Variants in POTEM observed in about 807,000 individuals in gnomAD.
The protein encoded by POTEM is POTE ankyrin domain family member M.
For missense variants in POTEM, 24 were observed against 343.0 expected, an observed-to-expected ratio of 0.07 and a Z score of 7.35; for synonymous variants, 8 against 113.2, an observed-to-expected ratio of 0.07 and a Z score of 5.90.
intron 9 of POTEM, among the ~76,000 whole-genome samples, chr14:18,995,124 A>T: frequency 1.4e-5 from 1 of 70,764 alleles, no homozygotes. Flanking sequence ...CCCATTGTGT[A>T]GGTTGTTGGT....
In POTEM at chr14:18,967,713, C is replaced by A. The variant is rs770238529; in HGVS notation, c.228C>A (p.Gly76=). ...GCTTCCCCTGGTGCAGGGGGAGCGGCAAGAGCAACGTGGGCACTTCTGGAG... is the reference window on the plus strand; with the variant it reads ...GCTTCCCCTGGTGCAGGGGGAGCGGAAAGAGCAACGTGGGCACTTCTGGAG... ...RHCFPWCRGS[G]KSNVGTSGDH... The change falls in exon 1 of 11, where the codon GGC becomes GGA. Residue 76 remains glycine, a synonymous_variant. Transcript: ENST00000547889. 23 of 1,610,570 alleles carry A rather than the reference C, an allele frequency of 1.4e-5. No individual in the cohort carries two copies. In the Admixed American group the frequency reaches 3.9e-4, roughly 27 times the overall value.
chr14:18,980,389 C>CA (rs1891052318), intron 6 of POTEM: 1 of 201,682 alleles, frequency 5.0e-6, no homozygotes, highest in South Asian at 5.1e-5. Context: ...TATTTTTCTG[C>CA]AACTAGATGG....
At chr14:18,985,927 A>AT (rs1323533388) in intron 7 of POTEM, among the ~76,000 whole-genome samples, 1 of 83,798 alleles carries the variant, frequency 1.2e-5, no homozygotes, top group Non-Finnish European at 2.2e-5. Flanking sequence ...AAAAAAAAAA[A>AT]AATATTTTAA....
intron 1 of POTEM, among the ~76,000 whole-genome samples, chr14:18,969,374 TATATAC>T (rs1254691074): frequency 1.3e-4 from 17 of 131,482 alleles, no homozygotes; most frequent in East Asian, 4.1e-4. Flanking sequence ...TATATATATA[TATATAC>T]ACAAAATTTC....
At chr14:18,982,792 A>T (rs1378895776) in intron 6 of POTEM, among the ~76,000 whole-genome samples, 14 of 36,538 alleles carry the variant, frequency 3.8e-4, no homozygotes, top group Admixed American at 6.7e-4. Flanking sequence ...TCATTTGTTT[A>T]GCTTAATTTT....
intron 1 of POTEM, among the ~76,000 whole-genome samples, chr14:18,968,916 G>C (rs1171384930): frequency 3.4e-5 from 5 of 148,332 alleles, no homozygotes; most frequent in African/African-American, 1.2e-4. Flanking sequence ...TACACATGCT[G>C]TCTTTTATTA....
intron 9 of POTEM, among the ~76,000 whole-genome samples, chr14:18,996,325 A>G (rs1201776230): frequency 0.014 from 1,713 of 126,126 alleles, 1 homozygote; most frequent in African/African-American, 0.039. Context: ...TTTATAAAAT[A>G]CATAGGAATC....
intron 1 of POTEM, among the ~76,000 whole-genome samples, chr14:18,968,840 T>G (rs919802726): frequency 1.3e-4 from 16 of 121,580 alleles, no homozygotes; most frequent in Middle Eastern, 4.7e-3. Context: ...AAAAAAAAAG[T>G]GAGCTTTTTC....
At chr14:18,981,613 G>A (rs1186415717) in intron 6 of POTEM, among the ~76,000 whole-genome samples, 2 of 151,512 alleles carry the variant, frequency 1.3e-5, no homozygotes, top group East Asian at 1.9e-4. Context: ...TTTGGCAGAA[G>A]GAACATGCAA....
At chr14:18,975,590 TG>T (rs1890945860) in intron 3 of POTEM, among the ~76,000 whole-genome samples, 1 of 130,998 alleles carries the variant, frequency 7.6e-6, no homozygotes, top group African/African-American at 3.1e-5. Flanking sequence ...TAGCAATTTT[TG>T]TTGCATGTTG....
chr14:18,986,541 CATT>C (rs1891186822), intron 7 of POTEM, among the ~76,000 whole-genome samples: 2 of 137,774 alleles, frequency 1.5e-5, no homozygotes, highest in African/African-American at 2.9e-5. Context: ...TATCTACTGT[CATT>C]AGTACATATT....
At position 18,988,257 on chromosome 14, in the gene POTEM, TGAA is replaced by T; in HGVS notation, c.1252_1254del (p.Glu418del). 2 of 590,642 alleles carry T rather than the reference TGAA, an allele frequency of 3.4e-6. No individual in the cohort carries two copies. Among genetic ancestry groups the T allele is most frequent in the Non-Finnish European group, 5.2e-6 (2 of 384,326 alleles). The allele number at this position is 590,642 out of a possible 1,614,324, so 36.6% of individuals were successfully genotyped here. A position where few individuals can be genotyped will look rare whatever the true frequency, so the allele number is the denominator to read the frequency against. ...TTAATATCAAACTTTCATTCAAGGT[TGAA>T]GAAGAAATGAAGAAGCACGGAAGTA... On this transcript the variant is annotated inframe_deletion, in exon 9 of 11. Transcript: ENST00000547889.
intron 6 of POTEM, among the ~76,000 whole-genome samples, chr14:18,982,252 A>G (rs1343900247): frequency 2.0e-5 from 3 of 151,572 alleles, no homozygotes; most frequent in Non-Finnish European, 3.0e-5. Context: ...GGAGCCAACA[A>G]TGTGTGCTGC....
At chr14:18,969,307 G>GTA (rs376582358) in intron 1 of POTEM, among the ~76,000 whole-genome samples, 18,331 of 67,448 alleles carry the variant, frequency 0.27, 269 homozygotes, top group Non-Finnish European at 0.3. Context: ...ATGTATATAC[G>GTA]TATATATATG....
chr14:19,003,347 G>A lies in POTEM; in HGVS notation c.*4682G>A, dbSNP rs1891424005. ...CATCTCACATGCGGTGGCATACATA[G>A]GCTCAAAATAAAGGAATGGAGAAAA... is the stretch of plus-strand genomic sequence containing the variant. On this transcript the variant is annotated 3_prime_UTR_variant, in exon 11 of 11. Transcript: ENST00000547889. Among the ~76,000 whole-genome samples the A allele has an allele frequency of 6.7e-6, 1 of 148,426 alleles. No homozygotes were observed. The highest frequency in any genetic ancestry group is 2.5e-5 in the African/African-American group (1 of 40,258).
intron 1 of POTEM, among the ~76,000 whole-genome samples, chr14:18,968,496 G>A (rs1345043402): frequency 5.3e-5 from 8 of 152,190 alleles, no homozygotes; most frequent in African/African-American, 1.7e-4. Flanking sequence ...TGGTTCTTGT[G>A]CTTGAATAGG....
At chr14:18,970,864 T>C (rs1289401993) in intron 1 of POTEM, among the ~76,000 whole-genome samples, 6 of 75,066 alleles carry the variant, frequency 8.0e-5, no homozygotes, top group South Asian at 6.7e-4. Flanking sequence ...TAGATTTTAT[T>C]ACATAATTAC....
At chr14:18,968,577 T>G (rs1374320721) in intron 1 of POTEM, among the ~76,000 whole-genome samples, 1 of 146,418 alleles carries the variant, frequency 6.8e-6, no homozygotes, top group Non-Finnish European at 1.5e-5. Context: ...TCCCAGCACT[T>G]TGGGAGGCTG....
At chr14:18,987,747 C>T (rs1891215173) in intron 8 of POTEM, among the ~76,000 whole-genome samples, 1 of 152,422 alleles carries the variant, frequency 6.6e-6, no homozygotes, top group South Asian at 2.1e-4. Flanking sequence ...TGCTCAAAGG[C>T]AGTGGGGGAG....
Sources: allele counts gnomAD v4.1 joint callset (sites outside exome capture counted in the v4.1 genomes callset), GRCh38; gene constraint gnomAD v4.1.1; transcripts MANE v1.5; gene names NCBI Gene and HGNC (gene_info 2026-07-23, HGNC 2026-07-21).